Variants in RBFOX1 observed in about 807,000 individuals in gnomAD.
The protein encoded by RBFOX1 is RNA binding protein fox-1 homolog 1.
In RBFOX1, 8 loss-of-function variants were observed where a neutral mutation model predicts 57.7. That is an observed-to-expected ratio of 0.14 (90% CI 0.08 to 0.25). RBFOX1 has a LOEUF of 0.25. Among genes scored for constraint, RBFOX1 ranks in the 10% least tolerant of loss-of-function variants. The pLI, the probability that RBFOX1 is intolerant of heterozygous loss-of-function variation, is 1.00. For missense variants in RBFOX1, 611 were observed against 548.5 expected, an observed-to-expected ratio of 1.11 and a Z score of -1.14; for synonymous variants, 326 against 222.4, an observed-to-expected ratio of 1.47 and a Z score of -4.15.
At chr16:7,280,372 C>T (rs535823297) in intron 4 of RBFOX1, among the ~76,000 whole-genome samples, 34 of 152,334 alleles carry the variant, frequency 2.2e-4, no homozygotes, top group African/African-American at 8.2e-4. Context: ...CATCCCCAAC[C>T]TGTTGGTTAA....
At chr16:7,092,949 G>C (rs2061107714) in intron 4 of RBFOX1, among the ~76,000 whole-genome samples, 1 of 152,190 alleles carries the variant, frequency 6.6e-6, no homozygotes, top group Admixed American at 6.5e-5. Flanking sequence ...CGCATTCGTT[G>C]AATGGTTCCT....
intron 3 of RBFOX1, among the ~76,000 whole-genome samples, chr16:6,942,235 C>A (rs978502952): frequency 6.6e-6 from 1 of 152,078 alleles, no homozygotes; most frequent in African/African-American, 2.4e-5. Context: ...AACCAGGATC[C>A]CACCACTGCA....
intron 2 of RBFOX1, among the ~76,000 whole-genome samples, chr16:6,388,516 T>A (rs1002986558): frequency 6.6e-6 from 1 of 152,116 alleles, no homozygotes; most frequent in African/African-American, 2.4e-5. Context: ...AGTTGACAAA[T>A]AAAAATTGTG....
intron 4 of RBFOX1, among the ~76,000 whole-genome samples, chr16:5,957,566 A>G (rs1006097171): frequency 2.0e-5 from 3 of 152,218 alleles, no homozygotes; most frequent in South Asian, 2.1e-4. Flanking sequence ...TTTCTGGAGC[A>G]GCTGATCCTT....
intron 4 of RBFOX1, among the ~76,000 whole-genome samples, chr16:7,403,925 A>ATG (rs1293595066): frequency 6.6e-6 from 1 of 150,604 alleles, no homozygotes; most frequent in Non-Finnish European, 1.5e-5. Context: ...ATATATATAT[A>ATG]TAACCTTTTT....
Position 6,376,267 on chromosome 16 carries a change from G to A in RBFOX1, c.-64+59210G>A, listed in dbSNP as rs140133491. 3.3e-5 allele frequency among the ~76,000 whole-genome samples: 5 copies of A among 150,858 alleles called. No individual in the cohort carries two copies. The East Asian group carries it at 7.8e-4, about 24-fold the overall frequency. Reference sequence around the variant, plus strand: ...CCTATAGCCTGGCACTTAGTGAGGCGGTGTGTTGTGTTGGGTTTTGTTTGT... The same window carrying A: ...CCTATAGCCTGGCACTTAGTGAGGCAGTGTGTTGTGTTGGGTTTTGTTTGT... On this transcript the variant is annotated intron_variant, in intron 2 of 15. Coordinates refer to ENST00000550418, the MANE Select transcript of RBFOX1 (RefSeq NM_018723.4).
intron 2 of RBFOX1, among the ~76,000 whole-genome samples, chr16:6,462,434 C>T (rs1002275774): frequency 6.6e-6 from 1 of 152,208 alleles, no homozygotes; most frequent in Non-Finnish European, 1.5e-5. Context: ...AATCTACTTA[C>T]TCCTTTTACA....
intron 3 of RBFOX1, among the ~76,000 whole-genome samples, chr16:6,845,169 C>A (rs138960539): frequency 6.6e-6 from 1 of 152,108 alleles, no homozygotes; most frequent in African/African-American, 2.4e-5. Context: ...TGCACAGAAG[C>A]TCTTTAGTTT....
At chr16:7,215,014 C>T (rs1190427913) in intron 4 of RBFOX1, among the ~76,000 whole-genome samples, 1 of 152,046 alleles carries the variant, frequency 6.6e-6, no homozygotes, top group Non-Finnish European at 1.5e-5. Context: ...GGTTTTAAGC[C>T]CCACATGCAT....
chr16:7,449,722 G>GTA (rs2098836223), intron 4 of RBFOX1, among the ~76,000 whole-genome samples: 1 of 96,596 alleles, frequency 1.0e-5, no homozygotes. Flanking sequence ...GTATGTGTGT[G>GTA]TGTGTGTGGG....
intron 4 of RBFOX1, among the ~76,000 whole-genome samples, chr16:7,075,093 C>T (rs1291685251): frequency 6.6e-6 from 1 of 152,148 alleles, no homozygotes; most frequent in Non-Finnish European, 1.5e-5. Context: ...AGATGAAGTT[C>T]TGTGTTATTT....
intron 4 of RBFOX1, among the ~76,000 whole-genome samples, chr16:7,478,410 G>T (rs2063180258): frequency 6.6e-6 from 1 of 152,208 alleles, no homozygotes; most frequent in African/African-American, 2.4e-5. Context: ...TGAGGAGTGG[G>T]AGGAGAGTTA....
intron 3 of RBFOX1, among the ~76,000 whole-genome samples, chr16:6,997,707 G>A (rs1439216424): frequency 6.6e-6 from 1 of 152,128 alleles, no homozygotes; most frequent in South Asian, 2.1e-4. Context: ...TTTGGTTAAT[G>A]ATTAGTATAA....
chr16:6,917,386 G>C (rs982096687), intron 3 of RBFOX1, among the ~76,000 whole-genome samples: 2 of 152,196 alleles, frequency 1.3e-5, no homozygotes, highest in Non-Finnish European at 2.9e-5. Flanking sequence ...TTCTGAACTT[G>C]AGTGTAGCTC....
At chr16:6,755,391 C>T (rs577983300) in intron 3 of RBFOX1, among the ~76,000 whole-genome samples, 33 of 152,180 alleles carry the variant, frequency 2.2e-4, no homozygotes, top group Admixed American at 3.9e-4. Context: ...TAATGATTGC[C>T]ATTCTAACTG....
At chr16:6,386,050 C>G (rs1315780102) in intron 2 of RBFOX1, among the ~76,000 whole-genome samples, 3 of 152,062 alleles carry the variant, frequency 2.0e-5, no homozygotes, top group Non-Finnish European at 4.4e-5. Context: ...ATTCTCCTGC[C>G]TCAGCCTCCC....
At chr16:6,015,741 A>G (rs1156877841), upstream of RBFOX1, among the ~76,000 whole-genome samples, 2 of 152,166 alleles carry the variant, frequency 1.3e-5, no homozygotes, top group Non-Finnish European at 2.9e-5. Context: ...CTCTATTTAG[A>G]CACGATCTTC....
intron 3 of RBFOX1, among the ~76,000 whole-genome samples, chr16:7,022,730 A>G (rs181265057): frequency 1.5e-4 from 23 of 152,280 alleles, no homozygotes; most frequent in African/African-American, 5.5e-4. Flanking sequence ...GGAAAAACGA[A>G]GTCTTAGTAT....
intron 3 of RBFOX1, among the ~76,000 whole-genome samples, chr16:6,918,814 C>T (rs983878627): frequency 6.6e-6 from 1 of 152,026 alleles, no homozygotes; most frequent in Admixed American, 6.6e-5. Context: ...CAGAAGCGCA[C>T]TCGTTAATAA....
Sources: allele counts gnomAD v4.1 joint callset (sites outside exome capture counted in the v4.1 genomes callset), GRCh38; gene constraint gnomAD v4.1.1; transcripts MANE v1.5; gene names NCBI Gene and HGNC (gene_info 2026-07-23, HGNC 2026-07-21).